Variants in PIAS1 observed in about 807,000 individuals in gnomAD.
PIAS1 encodes E3 SUMO-protein ligase PIAS1.
PIAS1 carries 6 observed loss-of-function variants against 71.3 expected under a neutral mutation model. The ratio of observed to expected loss-of-function variants is 0.08; its 90% CI spans 0.05 to 0.17. The LOEUF (loss-of-function observed/expected upper bound fraction) is 0.17, where lower values mean the gene tolerates loss of function less well. Ranked by LOEUF, PIAS1 falls within the 10% of genes least tolerant of loss-of-function variation. PIAS1 has a pLI of 1.00. For missense variants in PIAS1, 555 were observed against 793.6 expected (o/e 0.70, Z 3.61); for synonymous variants, 303 against 292.9 (o/e 1.03, Z -0.35).
At chr15:68,176,172 T>A (rs1323617068) in intron 10 of PIAS1, among the ~76,000 whole-genome samples, 1 of 152,204 alleles carries the variant, frequency 6.6e-6, no homozygotes, top group East Asian at 1.9e-4. Flanking sequence ...TTTAAGTATG[T>A]CAGATACTAT....
At chr15:68,179,997 A>G (rs2093044180) in intron 11 of PIAS1, among the ~76,000 whole-genome samples, 1 of 152,272 alleles carries the variant, frequency 6.6e-6, no homozygotes, top group East Asian at 1.9e-4. Flanking sequence ...TTTCTATAAC[A>G]CATACACCTT....
In PIAS1 at chr15:68,054,383, C is replaced by G; in HGVS notation, c.24+33C>G. 1 of 1,557,734 alleles carries G rather than the reference C, an allele frequency of 6.4e-7. No individual in the cohort carries two copies. Among genetic ancestry groups the G allele is most frequent in the Non-Finnish European group, 8.7e-7 (1 of 1,150,850 alleles). Reference sequence around the variant, plus strand: ...GCAGCTCGAATTCACTTCTAATATTCGGCCGCGGAGACGGCGCCGCTGCTG... The same window carrying G: ...GCAGCTCGAATTCACTTCTAATATTGGGCCGCGGAGACGGCGCCGCTGCTG... On this transcript the variant is annotated intron_variant, in intron 1 of 13. Coordinates refer to ENST00000249636, the MANE Select transcript of PIAS1 (RefSeq NM_016166.3). The surrounding 1 kb of genome is among the most constrained non-coding windows in gnomAD (Gnocchi z 4.6).
At chr15:68,085,141 A>AT (rs1326724331) in intron 1 of PIAS1, among the ~76,000 whole-genome samples, 120 of 152,300 alleles carry the variant, frequency 7.9e-4, no homozygotes, top group African/African-American at 2.8e-3. Flanking sequence ...CAGCATAAGC[A>AT]TAGCTTTTGT....
rs1216088095 is a variant in PIAS1, at chr15:68,188,116, C to T, written c.*281C>T. 4.4e-6 allele frequency: 1 copy of T among 225,138 alleles called. No homozygotes were observed. The highest frequency in any genetic ancestry group is 8.7e-6 in the Non-Finnish European group (1 of 114,382). The allele number at this position is 225,138 out of a possible 1,614,324, so 13.9% of individuals were successfully genotyped here. A position where few individuals can be genotyped will look rare whatever the true frequency, so the allele number is the denominator to read the frequency against. On this transcript the variant is annotated 3_prime_UTR_variant, in exon 14 of 14. Transcript: ENST00000249636. ...AAGAAAAACAAGCACCCACAAACCA[C>T]CTTCAGTTCATTTTTTTCTGGATTC...
At chr15:68,158,403 C>G (rs1054127841) in intron 7 of PIAS1, among the ~76,000 whole-genome samples, 1 of 152,058 alleles carries the variant, frequency 6.6e-6, no homozygotes, top group Non-Finnish European at 1.5e-5. Context: ...TGTCATTATC[C>G]TTTGTTTCAC....
intron 2 of PIAS1, among the ~76,000 whole-genome samples, chr15:68,088,416 T>G (rs2092305780): frequency 6.6e-6 from 1 of 151,840 alleles, no homozygotes; most frequent in Non-Finnish European, 1.5e-5. Context: ...AACATAAATG[T>G]CACAAATAGC....
At chr15:68,090,539 G>A (rs923984774) in intron 2 of PIAS1, among the ~76,000 whole-genome samples, 6 of 151,766 alleles carry the variant, frequency 4.0e-5, no homozygotes, top group African/African-American at 1.5e-4. Flanking sequence ...CTGTTACATG[G>A]TAGTTCAGTA....
intron 2 of PIAS1, among the ~76,000 whole-genome samples, chr15:68,117,058 G>A (rs73423764): frequency 0.022 from 3,351 of 152,004 alleles, 104 homozygotes; most frequent in African/African-American, 0.073. Context: ...CCCTTCTAGC[G>A]TTTTTTTGTT....
intron 1 of PIAS1, among the ~76,000 whole-genome samples, chr15:68,082,589 G>A (rs945430965): frequency 1.3e-5 from 2 of 152,074 alleles, no homozygotes; most frequent in African/African-American, 2.4e-5. Flanking sequence ...TGTACTTTTG[G>A]CTCAGCTGTG....
chr15:68,063,832 C>T (rs988696217), intron 1 of PIAS1, among the ~76,000 whole-genome samples: 1 of 151,686 alleles, frequency 6.6e-6, no homozygotes, highest in African/African-American at 2.4e-5. Flanking sequence ...GTAAAACTGC[C>T]AGCACCTTGG....
intron 2 of PIAS1, among the ~76,000 whole-genome samples, chr15:68,103,597 T>G (rs56106454): frequency 0.18 from 27,566 of 152,118 alleles, 2,796 homozygotes; most frequent in South Asian, 0.23. Flanking sequence ...TCTCTACCCA[T>G]TATCAATCAC....
intron 1 of PIAS1, among the ~76,000 whole-genome samples, chr15:68,060,929 G>A (rs920705755): frequency 4.6e-5 from 7 of 152,186 alleles, no homozygotes; most frequent in African/African-American, 9.6e-5. Flanking sequence ...TAATCTGCCC[G>A]CCTTGGCCTC....
intron 1 of PIAS1, chr15:68,055,048 T>C: frequency 5.2e-6 from 1 of 192,580 alleles, no homozygotes; most frequent in Non-Finnish European, 9.5e-6. Flanking sequence ...ACGTTACTCT[T>C]TCTCTCTGAT....
chr15:68,183,889 T>G, intron 13 of PIAS1: 1 of 387,094 alleles, frequency 2.6e-6, no homozygotes, highest in Non-Finnish European at 4.7e-6. Flanking sequence ...ATGCTGTCAG[T>G]CATGTAAAAG....
chr15:68,142,027 C>G lies in PIAS1; in HGVS notation c.551C>G (p.Ser184Cys). The G allele has an allele frequency of 1.9e-6, 3 of 1,594,598 alleles. No individual in the cohort carries two copies. The South Asian group carries it at 3.4e-5, about 18-fold the overall frequency. Residue 184 changes from serine (S) to cysteine (C), a missense_variant, in exon 3 of 14, where the codon TCC becomes TGC. Coordinates refer to ENST00000249636, the MANE Select transcript of PIAS1 (RefSeq NM_016166.3). Reference protein sequence around the residue: ...TPQQVQQISSSMDISGTKCDF... With the variant: ...TPQQVQQISSCMDISGTKCDF... Reference sequence around the variant, plus strand: ...CAACAAGTGCAGCAAATCAGTAGTTCCATGTAAGTTGTCGTCAAGTGTAAC... The same window carrying G: ...CAACAAGTGCAGCAAATCAGTAGTTGCATGTAAGTTGTCGTCAAGTGTAAC...
At chr15:68,144,284 T>G (rs1378314096) in intron 4 of PIAS1, among the ~76,000 whole-genome samples, 2 of 152,116 alleles carry the variant, frequency 1.3e-5, no homozygotes, top group African/African-American at 4.8e-5. Flanking sequence ...GCTATCCTAA[T>G]TAGAAATGTT....
At chr15:68,181,864 A>G (rs77029780) in intron 12 of PIAS1, 4,090 of 154,564 alleles carry the variant, frequency 0.026, 177 homozygotes, top group African/African-American at 0.092. Flanking sequence ...TATTTTTAGT[A>G]GAGACAGGGT....
At chr15:68,154,136 C>CAA (rs1352157876) in intron 7 of PIAS1, among the ~76,000 whole-genome samples, 1 of 152,158 alleles carries the variant, frequency 6.6e-6, no homozygotes, top group Non-Finnish European at 1.5e-5. Flanking sequence ...TGACTGTGGA[C>CAA]AAGTAACGCT....
At chr15:68,156,692 G>C (rs1311706119) in intron 7 of PIAS1, among the ~76,000 whole-genome samples, 1 of 141,138 alleles carries the variant, frequency 7.1e-6, no homozygotes, top group African/African-American at 2.6e-5. Flanking sequence ...TTGGGCAACA[G>C]AGAGAGACAC....
Sources: allele counts gnomAD v4.1 joint callset (sites outside exome capture counted in the v4.1 genomes callset), GRCh38; gene constraint gnomAD v4.1.1; non-coding constraint Gnocchi (gnomAD v3.1); transcripts MANE v1.5; gene names NCBI Gene and HGNC (gene_info 2026-07-23, HGNC 2026-07-21).